The following VDR variants were observed in gnomAD, a reference collection of about 807,000 sequenced individuals.
The protein encoded by VDR is vitamin D3 receptor.
Under a neutral mutation model 39.7 loss-of-function variants are expected in VDR, and 19 were observed. That is an observed-to-expected ratio of 0.48 (90% confidence interval 0.33 to 0.70). VDR has a LOEUF of 0.70. VDR is among the 30% of genes least tolerant of loss of function. VDR has a pLI of 0.02. For missense variants in VDR, 442 were observed against 570.5 expected (o/e 0.77, Z 2.29); for synonymous variants, 242 against 215.8 (o/e 1.12, Z -1.07).
intron 3 of VDR, among the ~76,000 whole-genome samples, chr12:47,874,229 G>T (rs896141471): frequency 6.6e-6 from 1 of 152,114 alleles, no homozygotes; most frequent in African/African-American, 2.4e-5. Context: ...TGTGAATGGA[G>T]GTCAGCTGCC....
intron 2 of VDR, 50 bp downstream of exon 2, chr12:47,882,644 C>T: frequency 1.1e-6 from 1 of 879,588 alleles, no homozygotes; most frequent in African/African-American, 1.7e-5. Flanking sequence ...CCACCCCGCC[C>T]CTTGAAAACA....
chr12:47,904,900 C>G, intron 1 of VDR, 55 bp downstream of exon 1: 1 of 305,864 alleles, frequency 3.3e-6, no homozygotes, highest in Non-Finnish European at 6.2e-6. Flanking sequence ...CCCAGACGCC[C>G]CGACCCCGAG....
intron 1 of VDR, among the ~76,000 whole-genome samples, chr12:47,894,815 C>T (rs1946436937): frequency 6.6e-6 from 1 of 152,216 alleles, no homozygotes; most frequent in Admixed American, 6.5e-5. Context: ...CTTACTCTTG[C>T]TGGCACCAGA....
intron 7 of VDR, among the ~76,000 whole-genome samples, chr12:47,850,966 C>A (rs562680688): frequency 2.9e-4 from 44 of 152,156 alleles, no homozygotes; most frequent in Non-Finnish European, 5.3e-4. Context: ...TCATCAGACA[C>A]CAAATCCCTG....
intron 7 of VDR, among the ~76,000 whole-genome samples, chr12:47,851,863 G>A (rs1403071634): frequency 2.0e-5 from 3 of 152,220 alleles, no homozygotes; most frequent in Non-Finnish European, 4.4e-5. Flanking sequence ...AACCCATTTT[G>A]CATCAATGGC....
intron 1 of VDR, among the ~76,000 whole-genome samples, chr12:47,886,332 A>G (rs1946251884): frequency 1.3e-5 from 2 of 152,210 alleles, no homozygotes; most frequent in African/African-American, 2.4e-5. Flanking sequence ...GCACTGCATG[A>G]CCTACCTAAC....
intron 4 of VDR, among the ~76,000 whole-genome samples, chr12:47,863,880 T>C (rs1471733396): frequency 6.6e-6 from 1 of 152,198 alleles, no homozygotes; most frequent in Non-Finnish European, 1.5e-5. Flanking sequence ...CAACAACAGA[T>C]AATTTTTTTC....
chr12:47,871,310 CTTT>C (rs1945862564), intron 3 of VDR, among the ~76,000 whole-genome samples: 1 of 132,446 alleles, frequency 7.6e-6, no homozygotes, highest in African/African-American at 2.8e-5. Flanking sequence ...TTCTTTCTTT[CTTT>C]CTTTCTTTCT....
At chr12:47,847,576 C>G (rs2137124707) in intron 7 of VDR, among the ~76,000 whole-genome samples, 1 of 152,062 alleles carries the variant, frequency 6.6e-6, no homozygotes, top group African/African-American at 2.4e-5. Flanking sequence ...TCTCACTGTG[C>G]CTTTTTTTTT....
Position 47,842,840 on chromosome 12 carries a change from G to T in VDR, c.*1906C>A, listed in dbSNP as rs9729. ...CACGCCCTCCTCTGTCAGTTTTCCT[G>T]AATGAGGGGATTGACTCGTTTAGCA... On this transcript the variant is annotated 3_prime_UTR_variant, in exon 10 of 10. Coordinates refer to ENST00000549336, the MANE Select transcript of VDR (RefSeq NM_000376.3). 80,467 of 151,768 alleles carry T rather than the reference G, an allele frequency of 0.53. 21,593 individuals carry two copies. Among genetic ancestry groups the T allele is most frequent in the African/African-American group, 0.57 (23,492 of 41,358 alleles). 9.4% of individuals were successfully genotyped at this position (151,768 alleles called of 1,614,324 possible).
At chr12:47,888,349 T>C (rs939069051) in intron 1 of VDR, among the ~76,000 whole-genome samples, 3 of 152,106 alleles carry the variant, frequency 2.0e-5, no homozygotes, top group Non-Finnish European at 4.4e-5. Flanking sequence ...AGTGGGTCAC[T>C]CCATGGAAAC....
Position 47,842,578 on chromosome 12 carries a change from C to G in VDR, c.*2168G>C, listed in dbSNP as rs886049418. ...CTGGGTTCAATTCTTCTGCCTCAGC[C>G]TCCTGAGTAGCTGGGATTACAGGCT... is the stretch of plus-strand genomic sequence containing the variant. On this transcript the variant is annotated 3_prime_UTR_variant, in exon 10 of 10. Coordinates refer to ENST00000549336, the MANE Select transcript of VDR (RefSeq NM_000376.3). 2 of 151,970 alleles carry G rather than the reference C, an allele frequency of 1.3e-5. No individual in the cohort carries two copies. The highest frequency in any genetic ancestry group is 3.2e-3 in the Middle Eastern group (1 of 310). The allele number at this position is 151,970 out of a possible 1,614,324, so 9.4% of individuals were successfully genotyped here. A position where few individuals can be genotyped will look rare whatever the true frequency, so the allele number is the denominator to read the frequency against.
intron 1 of VDR, among the ~76,000 whole-genome samples, chr12:47,897,883 C>T (rs1041822185): frequency 1.3e-5 from 2 of 152,238 alleles, no homozygotes; most frequent in Non-Finnish European, 2.9e-5. Context: ...CCAGGACAGA[C>T]ATGAATCCAT....
intron 1 of VDR, among the ~76,000 whole-genome samples, chr12:47,900,802 A>G (rs1283740522): frequency 2.6e-5 from 4 of 152,170 alleles, no homozygotes; most frequent in African/African-American, 9.7e-5. Flanking sequence ...GCAGCTTCTC[A>G]GGAACCAACT....
intron 1 of VDR, among the ~76,000 whole-genome samples, chr12:47,900,292 C>G (rs1427878466): frequency 1.3e-5 from 2 of 152,184 alleles, no homozygotes; most frequent in African/African-American, 4.8e-5. Flanking sequence ...GTTCTCAGGT[C>G]AACTTGTTCA....
chr12:47,843,013 C>T lies in VDR; in HGVS notation c.*1733G>A, dbSNP rs911468807. 1 of 152,140 alleles carries T rather than the reference C, an allele frequency of 6.6e-6. No individual in the cohort carries two copies. The highest frequency in any genetic ancestry group is 1.5e-5 in the Non-Finnish European group (1 of 68,026). 9.4% of individuals were successfully genotyped at this position (152,140 alleles called of 1,614,324 possible). ...GAAGTTTCACAATGTAAGTTCTCCCCCCATAAATATCTCCAAATCAGTGGT... is the reference window on the plus strand; with the variant it reads ...GAAGTTTCACAATGTAAGTTCTCCCTCCATAAATATCTCCAAATCAGTGGT... On this transcript the variant is annotated 3_prime_UTR_variant, in exon 10 of 10. Transcript: ENST00000549336.
At chr12:47,866,224 CA>C (rs1274734382) in intron 3 of VDR, among the ~76,000 whole-genome samples, 1 of 151,984 alleles carries the variant, frequency 6.6e-6, no homozygotes, top group African/African-American at 2.4e-5. Context: ...TCTCCTGCCT[CA>C]GCCTCCCGAG....
chr12:47,896,758 C>T (rs1000472915), intron 1 of VDR: 1 of 152,142 alleles, frequency 6.6e-6, no homozygotes, highest in Admixed American at 6.5e-5. Flanking sequence ...CTGAGGCAGC[C>T]CCTCCCCCAC....
At chr12:47,901,742 C>T (rs1454524173) in intron 1 of VDR, among the ~76,000 whole-genome samples, 6 of 152,172 alleles carry the variant, frequency 3.9e-5, no homozygotes, top group South Asian at 2.1e-4. Flanking sequence ...GAAGAGGAAA[C>T]GTGAGGCCCA....
Sources: gnomAD v4.1 joint callset for allele counts (sites outside exome capture counted in the v4.1 genomes callset) on GRCh38, gnomAD v4.1.1 for gene constraint, MANE v1.5 for transcripts, NCBI Gene and HGNC (gene_info 2026-07-23, HGNC 2026-07-21) for gene names.